Variants in RNF157 observed in about 807,000 individuals in gnomAD.
RNF157 encodes ring finger protein 157, also known as E3 ubiquitin ligase RNF157.
In RNF157, 55 loss-of-function variants were observed where a neutral mutation model predicts 88.3. The observed-to-expected ratio is 0.62, with a 90% CI of 0.50 to 0.78. RNF157 has a LOEUF of 0.78. Ranked by LOEUF, RNF157 falls within the 30% of genes least tolerant of loss-of-function variation. The probability of loss-of-function intolerance (pLI) is 0.00; values close to 1 mark genes in which losing one functional copy is unlikely to be tolerated. For synonymous variants in RNF157, 334 were observed against 341.2 expected (o/e 0.98, Z 0.23); for missense variants, 788 against 860.8 (o/e 0.92, Z 1.06).
chr17:76,212,552 AGCTGATTTTT>A, intron 1 of RNF157, 70 bp from the exon 2 acceptor site: 1 of 1,040,262 alleles, frequency 9.6e-7, no homozygotes, highest in Non-Finnish European at 1.5e-6. Context: ...AAAAAAAAAA[AGCTGATTTTT>A]AAAATGTTAA....
At chr17:76,214,933 G>T (rs1371123826) in intron 1 of RNF157, among the ~76,000 whole-genome samples, 1 of 152,142 alleles carries the variant, frequency 6.6e-6, no homozygotes, top group Non-Finnish European at 1.5e-5. Flanking sequence ...ATGATTAAAC[G>T]AATGCCGCTT....
At chr17:76,236,199 G>C (rs2070280506) in intron 1 of RNF157, among the ~76,000 whole-genome samples, 1 of 152,116 alleles carries the variant, frequency 6.6e-6, no homozygotes, top group Admixed American at 6.6e-5. Context: ...ACTTCTTAAA[G>C]ACTTCAGCAA....
At position 76,161,763 on chromosome 17, in the gene RNF157, C is replaced by G. The variant is rs1000405983; in HGVS notation, c.952+80G>C. Reference sequence around the variant, plus strand: ...CGCATCCGTTTGTCAGATCCAGCAGCAGCACATGCTTCAGTGTTTTGTAAA... The same window carrying G: ...CGCATCCGTTTGTCAGATCCAGCAGGAGCACATGCTTCAGTGTTTTGTAAA... On this transcript the variant is annotated intron_variant, in intron 10 of 18. Transcript: ENST00000269391. The surrounding 1 kb of genome is among the most constrained non-coding windows in gnomAD (Gnocchi z 4.6). 1 of 1,555,832 alleles carries G rather than the reference C, an allele frequency of 6.4e-7. No homozygotes were observed. Among genetic ancestry groups the G allele is most frequent in the East Asian group, 2.3e-5 (1 of 44,406 alleles).
intron 2 of RNF157, among the ~76,000 whole-genome samples, chr17:76,200,098 C>T (rs903368854): frequency 6.6e-6 from 1 of 151,904 alleles, no homozygotes; most frequent in Non-Finnish European, 1.5e-5. Context: ...AAAAATTAGC[C>T]GGGTGTGGTG....
At chr17:76,227,011 T>A (rs2070101796) in intron 1 of RNF157, among the ~76,000 whole-genome samples, 2 of 152,014 alleles carry the variant, frequency 1.3e-5, no homozygotes, top group African/African-American at 4.8e-5. Context: ...ATGGTGGCCG[T>A]GGACCCTGAG....
intron 17 of RNF157, 151 bp from the exon 18 acceptor site, chr17:76,152,616 G>A: frequency 1.7e-6 from 1 of 605,950 alleles, no homozygotes; most frequent in Non-Finnish European, 3.0e-6. Flanking sequence ...GAGTGGACAA[G>A]AAAGGAATCA....
At position 76,146,183 on chromosome 17, in the gene RNF157, G is replaced by T; in HGVS notation, c.1922-830C>A. On this transcript the variant is annotated intron_variant, in intron 18 of 18. Transcript: ENST00000269391. The surrounding 1 kb of genome is among the most constrained non-coding windows in gnomAD (Gnocchi z 4.2). ...TGGCCGTGTTGTGACTCCATCTGTA[G>T]TCACGCTAACCTGGGCTCCACTCCC... 1 of 198,450 alleles carries T rather than the reference G, an allele frequency of 5.0e-6. No homozygotes were observed. The highest frequency in any genetic ancestry group is 9.0e-6 in the Non-Finnish European group (1 of 110,542). The allele number at this position is 198,450 out of a possible 1,614,324, so 12.3% of individuals were successfully genotyped here. A position where few individuals can be genotyped will look rare whatever the true frequency, so the allele number is the denominator to read the frequency against.
intron 18 of RNF157, chr17:76,147,113 C>T (rs2068597071): frequency 1.0e-6 from 1 of 985,132 alleles, no homozygotes; most frequent in South Asian, 4.7e-5. Flanking sequence ...GAGCCTGGGA[C>T]ATGAGTCAAG....
At chr17:76,208,620 A>C (rs1161191384) in intron 2 of RNF157, among the ~76,000 whole-genome samples, 1 of 152,172 alleles carries the variant, frequency 6.6e-6, no homozygotes, top group Non-Finnish European at 1.5e-5. Context: ...TCTATACTAC[A>C]TTTTTATGCA....
chr17:76,162,676 G>A (rs2068862372), intron 8 of RNF157, 53 bp from the exon 9 acceptor site: 2 of 1,297,204 alleles, frequency 1.5e-6, no homozygotes, highest in East Asian at 5.0e-5. Flanking sequence ...TGAGAGACAA[G>A]AGTGGGAACT....
Position 76,161,511 on chromosome 17 carries a change from G to T in RNF157, c.1065+24C>A. 6.4e-7 allele frequency: 1 copy of T among 1,553,508 alleles called. No homozygotes were observed. Among genetic ancestry groups the T allele is most frequent in the Non-Finnish European group, 8.9e-7 (1 of 1,124,916 alleles). On this transcript the variant is annotated intron_variant, in intron 11 of 18. Coordinates refer to ENST00000269391, the MANE Select transcript of RNF157 (RefSeq NM_052916.3). The surrounding 1 kb of genome is among the most constrained non-coding windows in gnomAD (Gnocchi z 4.6). ...CCAATGAGGCATTTGCTTCAGAGGG[G>T]CCGTGGTTCCGAGCCCAACTTACTG...
intron 2 of RNF157, among the ~76,000 whole-genome samples, chr17:76,188,242 T>C (rs1228462977): frequency 6.6e-6 from 1 of 152,188 alleles, no homozygotes; most frequent in East Asian, 1.9e-4. Context: ...TCTCTTGTAC[T>C]GCATCCCACG....
At chr17:76,192,862 G>C (rs1163674135) in intron 2 of RNF157, among the ~76,000 whole-genome samples, 1 of 135,518 alleles carries the variant, frequency 7.4e-6, no homozygotes, top group Non-Finnish European at 1.5e-5. Context: ...TTTTTTTTGA[G>C]ACAGCATCCG....
chr17:76,210,636 CAA>C (rs952795770), intron 2 of RNF157, among the ~76,000 whole-genome samples: 1 of 140,442 alleles, frequency 7.1e-6, no homozygotes, highest in Non-Finnish European at 1.6e-5. Flanking sequence ...CAATGAAAAC[CAA>C]AAAAATAATT....
chr17:76,180,857 C>G (rs1431078032), intron 2 of RNF157, among the ~76,000 whole-genome samples: 5 of 152,218 alleles, frequency 3.3e-5, no homozygotes, highest in Non-Finnish European at 7.3e-5. Context: ...CCATCCAGCT[C>G]TAGTTTAGGT....
chr17:76,173,760 G>A lies in RNF157; in HGVS notation c.238C>T (p.Pro80Ser). 3 of 1,611,050 alleles carry A rather than the reference G, an allele frequency of 1.9e-6. No homozygotes were observed. The highest frequency in any genetic ancestry group is 2.5e-6 in the Non-Finnish European group (3 of 1,178,306). ...FPYAAPPPQE[P>S]VKTLRSLVNI... is the part of the protein sequence containing the mutation. Reference sequence around the variant, plus strand: ...ACCAGGCTTCTCAGAGTCTTCACGGGTTCTTGGGGAGGTGGGGCGGCGTAA... The same window carrying A: ...ACCAGGCTTCTCAGAGTCTTCACGGATTCTTGGGGAGGTGGGGCGGCGTAA... The change falls in exon 3 of 19, where the codon CCC becomes TCC. Residue 80 changes from proline (P) to serine (S), a missense_variant. Pro to Ser is a moderately conservative substitution (Grantham distance 74). Transcript: ENST00000269391.
chr17:76,236,368 G>A (rs1222598510), intron 1 of RNF157, among the ~76,000 whole-genome samples: 1 of 152,130 alleles, frequency 6.6e-6, no homozygotes, highest in Non-Finnish European at 1.5e-5. Context: ...TTTTATCAAC[G>A]TGGATACTTC....
At chr17:76,200,284 C>T (rs2069552996) in intron 2 of RNF157, among the ~76,000 whole-genome samples, 1 of 151,926 alleles carries the variant, frequency 6.6e-6, no homozygotes, top group Admixed American at 6.6e-5. Flanking sequence ...AAAACCGAGG[C>T]ATTTCTTCCC....
At chr17:76,221,024 G>A (rs1470015826) in intron 1 of RNF157, among the ~76,000 whole-genome samples, 1 of 152,028 alleles carries the variant, frequency 6.6e-6, no homozygotes, top group Non-Finnish European at 1.5e-5. Flanking sequence ...AGGAGGCTGA[G>A]GCGGGAGAAT....
Sources: gnomAD v4.1 joint callset for allele counts (sites outside exome capture counted in the v4.1 genomes callset) on GRCh38, gnomAD v4.1.1 for gene constraint, Gnocchi (gnomAD v3.1) non-coding constraint, MANE v1.5 for transcripts, NCBI Gene and HGNC (gene_info 2026-07-23, HGNC 2026-07-21) for gene names.